The following CAMTA1 variants were observed in gnomAD, a reference collection of about 807,000 sequenced individuals.
The protein encoded by CAMTA1 is calmodulin-binding transcription activator 1.
CAMTA1 carries 27 observed loss-of-function variants against 170.9 expected under a neutral mutation model. The ratio of observed to expected loss-of-function variants is 0.16; its 90% CI spans 0.12 to 0.22. The LOEUF is 0.22. Ranked by LOEUF, CAMTA1 falls within the 10% of genes least tolerant of loss-of-function variation. The pLI is 1.00. For missense variants in CAMTA1, 1,619 were observed against 2,217.2 expected (o/e 0.73, Z 5.42); for synonymous variants, 833 against 891.5 (o/e 0.93, Z 1.17).
In CAMTA1 at chr1:7,463,463, A is replaced by G. The variant is rs1161502328; in HGVS notation, c.439-4367A>G. Among the ~76,000 whole-genome samples, 2 of 152,004 alleles carry G rather than the reference A, an allele frequency of 1.3e-5. No individual in the cohort carries two copies. Among genetic ancestry groups the G allele is most frequent in the Non-Finnish European group, 2.9e-5 (2 of 67,994 alleles). ...GATGGGGGAAATGGGAGAGAGACAG[A>G]GAGAGGACAAGACAGCTGCAGAGAT... On this transcript the variant is annotated intron_variant, in intron 5 of 22. Transcript: ENST00000303635. This position sits in a 1 kb window ranked among gnomAD's most constrained non-coding sequence, Gnocchi z 4.7.
intron 5 of CAMTA1, among the ~76,000 whole-genome samples, chr1:7,254,458 G>A (rs1413748098): frequency 6.6e-6 from 1 of 152,188 alleles, no homozygotes; most frequent in African/African-American, 2.4e-5. Context: ...CCTCACGTCT[G>A]ACTGTCATTT....
At chr1:7,348,192 T>C (rs2084368557) in intron 5 of CAMTA1, among the ~76,000 whole-genome samples, 1 of 152,200 alleles carries the variant, frequency 6.6e-6, no homozygotes, top group African/African-American at 2.4e-5. Context: ...GTCCCCTTTC[T>C]CTTCGTCTTG....
intron 4 of CAMTA1, among the ~76,000 whole-genome samples, chr1:7,095,326 T>A (rs991283717): frequency 6.6e-6 from 1 of 151,956 alleles, no homozygotes; most frequent in South Asian, 2.1e-4. Context: ...TGAGCCTGAG[T>A]GTTGTGAAGG....
intron 7 of CAMTA1, among the ~76,000 whole-genome samples, chr1:7,651,370 A>G (rs923917984): frequency 2.6e-5 from 4 of 152,142 alleles, no homozygotes; most frequent in South Asian, 4.1e-4. Context: ...CCAAGCGTCG[A>G]TTCCAGCAGG....
rs74051082 is a variant in CAMTA1 at position 7,014,453 on chromosome 1, G to T, written c.235-76851G>T. On this transcript the variant is annotated intron_variant, in intron 3 of 22. Coordinates refer to ENST00000303635, the MANE Select transcript of CAMTA1 (RefSeq NM_015215.4). This position sits in a 1 kb window ranked among gnomAD's most constrained non-coding sequence, Gnocchi z 4.2. ...TGGGGATCCCAGCGCCCACTACAAA[G>T]GTGAACTCCTTTTTGCTCCCTGCCC... 0.04 allele frequency among the ~76,000 whole-genome samples: 6,146 copies of T among 152,226 alleles called. 412 individuals carry two copies. The highest frequency in any genetic ancestry group is 0.14 in the African/African-American group (5,782 of 41,500).
intron 4 of CAMTA1, among the ~76,000 whole-genome samples, chr1:7,129,971 C>T (rs887991482): frequency 4.0e-5 from 6 of 151,520 alleles, no homozygotes; most frequent in African/African-American, 1.5e-4. Flanking sequence ...GAGTTTTACT[C>T]TGTCACCCAG....
At chr1:7,327,056 G>A (rs989573929) in intron 5 of CAMTA1, among the ~76,000 whole-genome samples, 3 of 152,174 alleles carry the variant, frequency 2.0e-5, no homozygotes, top group Non-Finnish European at 2.9e-5. Flanking sequence ...CAGCAATGAG[G>A]AGGTTTTTGA....
In CAMTA1 at chr1:7,363,618, T is replaced by G. The variant is rs552028828; in HGVS notation, c.439-104212T>G. 2.0e-5 allele frequency among the ~76,000 whole-genome samples: 3 copies of G among 152,286 alleles called. No homozygotes were observed. In the East Asian group the frequency reaches 5.8e-4, roughly 29 times the overall value. ...ACATCGGAACGATTGGCCTGTGTGG[T>G]TGCCTCTGGGACCCTCAGAAGGATT... On this transcript the variant is annotated intron_variant, in intron 5 of 22. Coordinates refer to ENST00000303635, the MANE Select transcript of CAMTA1 (RefSeq NM_015215.4).
intron 3 of CAMTA1, among the ~76,000 whole-genome samples, chr1:6,865,431 G>C (rs1666264661): frequency 6.6e-6 from 1 of 152,186 alleles, no homozygotes; most frequent in South Asian, 2.1e-4. Context: ...GAAACTTATA[G>C]ATCCTTCAGC....
At chr1:7,403,998 G>T (rs975345902) in intron 5 of CAMTA1, among the ~76,000 whole-genome samples, 2 of 152,232 alleles carry the variant, frequency 1.3e-5, no homozygotes, top group African/African-American at 4.8e-5. Context: ...AGCGGGGAGG[G>T]ATGCTGTTTA....
intron 5 of CAMTA1, among the ~76,000 whole-genome samples, chr1:7,322,920 C>T: frequency 6.7e-6 from 1 of 150,212 alleles, no homozygotes. Flanking sequence ...CTTTCCTTTC[C>T]TTTCCTCCCT....
chr1:7,626,205 A>G (rs2095632606), intron 6 of CAMTA1, among the ~76,000 whole-genome samples: 1 of 152,210 alleles, frequency 6.6e-6, no homozygotes, highest in Admixed American at 6.5e-5. Context: ...TCTCACCATT[A>G]CAGATGCCAG....
chr1:6,888,430 C>T (rs1673792301), intron 3 of CAMTA1, among the ~76,000 whole-genome samples: 2 of 151,912 alleles, frequency 1.3e-5, no homozygotes, highest in African/African-American at 2.4e-5. Flanking sequence ...ATCGGTGCCT[C>T]CTGAAGAAGT....
intron 3 of CAMTA1, among the ~76,000 whole-genome samples, chr1:6,904,069 T>C (rs968207828): frequency 6.6e-6 from 1 of 152,240 alleles, no homozygotes; most frequent in Non-Finnish European, 1.5e-5. Flanking sequence ...GCCATTCTCA[T>C]TTTGTGTAAG....
At chr1:7,647,728 CG>C (rs2095819085) in intron 7 of CAMTA1, among the ~76,000 whole-genome samples, 1 of 152,168 alleles carries the variant, frequency 6.6e-6, no homozygotes, top group Non-Finnish European at 1.5e-5. Context: ...CTGGGAGCTC[CG>C]AGCCTGACTA....
intron 4 of CAMTA1, among the ~76,000 whole-genome samples, chr1:7,242,076 A>G (rs1461708197): frequency 6.6e-6 from 1 of 152,224 alleles, no homozygotes; most frequent in Admixed American, 6.5e-5. Context: ...TTGTATCTAG[A>G]TTATATGTAA....
At chr1:7,308,328 AT>A (rs1171860410) in intron 5 of CAMTA1, among the ~76,000 whole-genome samples, 6 of 149,666 alleles carry the variant, frequency 4.0e-5, no homozygotes, top group Admixed American at 2.0e-4. Flanking sequence ...GATTTTCTCT[AT>A]TTTTTTCATT....
At chr1:7,383,572 A>G (rs895287863) in intron 5 of CAMTA1, among the ~76,000 whole-genome samples, 3 of 152,224 alleles carry the variant, frequency 2.0e-5, no homozygotes, top group Admixed American at 6.5e-5. Flanking sequence ...GCATTACAAC[A>G]TATAAGGCAC....
At chr1:7,253,895 C>T (rs1480830450) in intron 5 of CAMTA1, among the ~76,000 whole-genome samples, 1 of 152,080 alleles carries the variant, frequency 6.6e-6, no homozygotes, top group Non-Finnish European at 1.5e-5. Flanking sequence ...CCTAGTATGG[C>T]AATAGGTGCT....
Sources: allele counts gnomAD v4.1 joint callset (sites outside exome capture counted in the v4.1 genomes callset), GRCh38; gene constraint gnomAD v4.1.1; non-coding constraint Gnocchi (gnomAD v3.1); transcripts MANE v1.5; gene names NCBI Gene and HGNC (gene_info 2026-07-23, HGNC 2026-07-21).